Variants in HNMT observed in about 807,000 individuals in gnomAD.
HNMT encodes histamine N-methyltransferase.
HNMT carries 30 observed loss-of-function variants against 32.1 expected under a neutral mutation model. The observed-to-expected ratio is 0.93, with a 90% CI of 0.70 to 1.27. The LOEUF (loss-of-function observed/expected upper bound fraction) is 1.27. Among genes scored for constraint, HNMT ranks in the 50% most tolerant of loss-of-function variants. The probability of loss-of-function intolerance (pLI) is 0.00; values close to 1 mark genes in which losing one functional copy is unlikely to be tolerated. For synonymous variants in HNMT, 125 were observed against 119.0 expected (o/e 1.05, Z -0.33); for missense variants, 327 against 346.0 (o/e 0.95, Z 0.43).
intron 2 of HNMT, among the ~76,000 whole-genome samples, chr2:137,990,155 C>T (rs376457532): frequency 2.6e-5 from 4 of 152,200 alleles, no homozygotes; most frequent in African/African-American, 4.8e-5. Flanking sequence ...AAAAAGTCAT[C>T]GCCGTACCCA....
chr2:137,976,490 G>A (rs1680294188), intron 2 of HNMT, among the ~76,000 whole-genome samples: 2 of 152,136 alleles, frequency 1.3e-5, no homozygotes, highest in South Asian at 4.1e-4. Flanking sequence ...TAGAAAAGAG[G>A]TAGGAATATT....
At chr2:138,002,357 T>G (rs977608716) in intron 4 of HNMT, 163 bp downstream of exon 4, 1 of 1,052,612 alleles carries the variant, frequency 9.5e-7, no homozygotes, top group Non-Finnish European at 1.2e-6. Flanking sequence ...AAGATGTTTA[T>G]TATACTAAGA....
At chr2:137,976,435 C>G (rs1288473116) in intron 2 of HNMT, among the ~76,000 whole-genome samples, 1 of 152,156 alleles carries the variant, frequency 6.6e-6, no homozygotes, top group Non-Finnish European at 1.5e-5. Flanking sequence ...TTTGGGCCAT[C>G]AAACGTGCTT....
intron 5 of HNMT, among the ~76,000 whole-genome samples, chr2:138,012,334 C>G (rs1681530972): frequency 6.6e-6 from 1 of 152,078 alleles, no homozygotes. Context: ...GAGTTCAGCT[C>G]ATGTCTGTCT....
intron 2 of HNMT, among the ~76,000 whole-genome samples, chr2:137,993,123 C>T (rs1680874943): frequency 6.6e-6 from 1 of 152,098 alleles, no homozygotes; most frequent in Admixed American, 6.6e-5. Context: ...GCTGAAAACC[C>T]AAAAGGTCAG....
chr2:137,983,539 A>G (rs906765112), intron 2 of HNMT, among the ~76,000 whole-genome samples: 2 of 152,172 alleles, frequency 1.3e-5, no homozygotes, highest in African/African-American at 2.4e-5. Flanking sequence ...AGATAGATTA[A>G]TAAGAGGGAA....
intron 2 of HNMT, among the ~76,000 whole-genome samples, chr2:137,989,021 T>TTA (rs973290825): frequency 1.1e-4 from 16 of 152,148 alleles, no homozygotes; most frequent in African/African-American, 3.6e-4. Flanking sequence ...TGTCTCCCCA[T>TTA]TATATATATA....
intron 5 of HNMT, 68 bp from the exon 6 acceptor site, chr2:138,013,707 G>C: frequency 8.5e-7 from 1 of 1,174,948 alleles, no homozygotes; most frequent in South Asian, 1.4e-5. Flanking sequence ...AGCATCTAGT[G>C]TACTTTCTGG....
chr2:137,993,437 G>A (rs1680886135), intron 2 of HNMT, among the ~76,000 whole-genome samples: 1 of 152,070 alleles, frequency 6.6e-6, no homozygotes, highest in Admixed American at 6.6e-5. Context: ...AATCAACCAA[G>A]TGGAAGAAAG....
At chr2:137,990,453 C>A (rs953026059) in intron 2 of HNMT, among the ~76,000 whole-genome samples, 2 of 152,064 alleles carry the variant, frequency 1.3e-5, no homozygotes, top group South Asian at 2.1e-4. Context: ...TCTGTCTATT[C>A]TTTTGCCATT....
At chr2:138,004,498 T>A (rs1681274952) in intron 4 of HNMT, among the ~76,000 whole-genome samples, 1 of 151,954 alleles carries the variant, frequency 6.6e-6, no homozygotes, top group Admixed American at 6.6e-5. Flanking sequence ...AAGTCCAAGT[T>A]CTGTGTTGGG....
intron 1 of HNMT, among the ~76,000 whole-genome samples, chr2:137,966,766 G>GT (rs11406549): frequency 0.51 from 77,191 of 151,848 alleles, 20,966 homozygotes; most frequent in East Asian, 0.63. Context: ...GAAGCCCTCT[G>GT]TTCTTTTTTT....
At chr2:137,975,521 A>T (rs1680260939) in intron 2 of HNMT, among the ~76,000 whole-genome samples, 1 of 152,160 alleles carries the variant, frequency 6.6e-6, no homozygotes, top group Non-Finnish European at 1.5e-5. Flanking sequence ...GAGTCCCAGG[A>T]TTTTATTTTC....
At chr2:137,971,346 A>AT (rs1679986484) in intron 2 of HNMT, among the ~76,000 whole-genome samples, 1 of 152,012 alleles carries the variant, frequency 6.6e-6, no homozygotes, top group Non-Finnish European at 1.5e-5. Flanking sequence ...CACCTGGCTA[A>AT]TTTTTGTATT....
chr2:137,997,857 C>A (rs1351295393), intron 2 of HNMT, among the ~76,000 whole-genome samples: 1 of 152,184 alleles, frequency 6.6e-6, no homozygotes, highest in Non-Finnish European at 1.5e-5. Flanking sequence ...AGAATGAGTT[C>A]ATGTCCTTCA....
In HNMT at chr2:138,003,525, C is replaced by A. The variant is rs114274767; in HGVS notation, c.429+1331C>A. On this transcript the variant is annotated intron_variant, in intron 4 of 5. Coordinates refer to ENST00000280097, the MANE Select transcript of HNMT (RefSeq NM_006895.3). ...CAATTCTATGTCTCTGCTTCTTTAG[C>A]TGATGAAATCTTTTGCCTGTCAGGT... 8.4e-3 allele frequency among the ~76,000 whole-genome samples: 1,278 copies of A among 152,206 alleles called. 15 individuals carry two copies. Among genetic ancestry groups the A allele is most frequent in the African/African-American group, 0.028 (1,163 of 41,550 alleles).
chr2:137,967,031 A>G, intron 1 of HNMT: 1 of 778,388 alleles, frequency 1.3e-6, no homozygotes, highest in Non-Finnish European at 2.4e-6. Context: ...TTGACTGGAT[A>G]TAGAACTCTA....
chr2:138,013,802 A>C lies in HNMT; in HGVS notation c.551A>C (p.Lys184Thr). 2 of 1,612,482 alleles carry C rather than the reference A, an allele frequency of 1.2e-6. No homozygotes were observed. Among genetic ancestry groups the C allele is most frequent in the Non-Finnish European group, 1.7e-6 (2 of 1,178,960 alleles). ...SGSSGWDKLW[K>T]KYGSRFPQDD... ...AGCAGTGGCTGGGACAAGCTGTGGA[A>C]AAAGTACGGATCACGCTTTCCCCAG... Residue 184 changes from lysine to threonine, a missense_variant, in exon 6 of 6, where the codon AAA (lysine) becomes ACA (threonine). Lys to Thr is a moderately conservative substitution (Grantham distance 78, BLOSUM62 -1). Transcript: ENST00000280097.
At chr2:137,991,611 A>G (rs1680816907) in intron 2 of HNMT, among the ~76,000 whole-genome samples, 1 of 152,230 alleles carries the variant, frequency 6.6e-6, no homozygotes, top group Non-Finnish European at 1.5e-5. Flanking sequence ...CAGGAGCCAT[A>G]GATAAAAACA....
Sources: gnomAD v4.1 joint callset for allele counts (sites outside exome capture counted in the v4.1 genomes callset) on GRCh38, gnomAD v4.1.1 for gene constraint, MANE v1.5 for transcripts, NCBI Gene and HGNC (gene_info 2026-07-23, HGNC 2026-07-21) for gene names.